The following LMTK2 variants were observed in gnomAD, a reference collection of about 807,000 sequenced individuals.
The protein encoded by LMTK2 is serine/threonine-protein kinase LMTK2.
In LMTK2, 37 loss-of-function variants were observed where a neutral mutation model predicts 127.5. The ratio of observed to expected loss-of-function variants is 0.29; its 90% confidence interval spans 0.22 to 0.38. The LOEUF is 0.38. Ranked by LOEUF, LMTK2 falls within the 10% of genes least tolerant of loss-of-function variation. The probability of loss-of-function intolerance (pLI) is 1.00; values close to 1 mark genes in which losing one functional copy is unlikely to be tolerated. For missense variants in LMTK2, 1,694 were observed against 1,920.3 expected, an observed-to-expected ratio of 0.88 and a Z score of 2.20; for synonymous variants, 819 against 810.1, an observed-to-expected ratio of 1.01 and a Z score of -0.19.
rs147523577 is a variant in LMTK2, at chr7:98,203,842, C to T, written c.4241-102C>T. On this transcript the variant is annotated intron_variant, in intron 12 of 13. Transcript: ENST00000297293. ...CAGAACTGCCATCTGCCAGCCGGGC[C>T]GGGCTGTGTCTTCCGACCTGCAGGG... 5.5e-4 allele frequency: 864 copies of T among 1,574,444 alleles called. 3 individuals are homozygous for T. The African/African-American group carries it at 9.6e-3, about 18-fold the overall frequency.
chr7:98,173,221 G>A (rs1038158324), intron 7 of LMTK2, among the ~76,000 whole-genome samples: 1 of 152,168 alleles, frequency 6.6e-6, no homozygotes, highest in Non-Finnish European at 1.5e-5. Flanking sequence ...CCTTCAAGGG[G>A]GGACAGAGGA....
At chr7:98,170,680 A>G (rs1174448185) in intron 6 of LMTK2, among the ~76,000 whole-genome samples, 1 of 152,210 alleles carries the variant, frequency 6.6e-6, no homozygotes, top group African/African-American at 2.4e-5. Context: ...AATCATATCA[A>G]TAAATATTTA....
Position 98,203,717 on chromosome 7 carries a change from T to A in LMTK2, c.4240+11T>A. 1 of 1,612,902 alleles carries A rather than the reference T, an allele frequency of 6.2e-7. No homozygotes were observed. The highest frequency in any genetic ancestry group is 8.5e-7 in the Non-Finnish European group (1 of 1,179,742). On this transcript the variant is annotated intron_variant, in intron 12 of 13. Coordinates refer to ENST00000297293, the MANE Select transcript of LMTK2 (RefSeq NM_014916.4). ...CCACCGACGAAGAAGGTATTTCACG[T>A]CATTGTCTAGTTTTAAAGGAAACTG...
chr7:98,143,296 A>C (rs544464378), intron 3 of LMTK2, among the ~76,000 whole-genome samples: 1 of 152,344 alleles, frequency 6.6e-6, no homozygotes, highest in South Asian at 2.1e-4. Flanking sequence ...CTTTCCAAGC[A>C]TGCACCAAAT....
chr7:98,144,514 T>C (rs549823096), intron 3 of LMTK2, among the ~76,000 whole-genome samples: 11 of 152,264 alleles, frequency 7.2e-5, no homozygotes, highest in African/African-American at 2.6e-4. Flanking sequence ...TTTCCACTGC[T>C]GGCTTCCCTA....
At chr7:98,134,592 C>T (rs564501143) in intron 1 of LMTK2, among the ~76,000 whole-genome samples, 22 of 151,156 alleles carry the variant, frequency 1.5e-4, no homozygotes, top group South Asian at 1.3e-3. Context: ...AAGTGGGTGG[C>T]GCACTTGAGC....
rs114506362 is a variant in LMTK2, at chr7:98,141,600, G to T, written c.376+59G>T. On this transcript the variant is annotated intron_variant, in intron 3 of 13. Transcript: ENST00000297293. The stretch of plus-strand genomic sequence containing the variant: ...GAATTGTTTCTGAGATCTGAGAATG[G>T]GAGCCTAGCCATCATAAATATTGGA... 1,056 of 1,508,256 alleles carry T rather than the reference G, an allele frequency of 7.0e-4. 10 individuals are homozygous for T. In the African/African-American group the frequency reaches 0.013, roughly 18 times the overall value. 93.4% of individuals were successfully genotyped at this position (1,508,256 alleles called of 1,614,324 possible).
chr7:98,137,237 A>G, intron 1 of LMTK2, 78 bp from the exon 2 acceptor site: 1 of 1,378,820 alleles, frequency 7.3e-7, no homozygotes, highest in Non-Finnish European at 1.0e-6. Flanking sequence ...TTGTATGTAG[A>G]GGAAAATATA....
At chr7:98,127,467 G>A (rs1796459460) in intron 1 of LMTK2, among the ~76,000 whole-genome samples, 1 of 152,192 alleles carries the variant, frequency 6.6e-6, no homozygotes, top group Admixed American at 6.5e-5. Context: ...TAATTTTCAA[G>A]TAGGCACAGA....
chr7:98,190,752 G>A lies in LMTK2; in HGVS notation c.1023G>A (p.Glu341=). The change falls in exon 10 of 14, where the codon GAG becomes GAA. Residue 341 remains glutamate (E), a synonymous_variant. Coordinates refer to ENST00000297293, the MANE Select transcript of LMTK2 (RefSeq NM_014916.4). ...NIWSLGVTLW[E]LFDNAAQPYS... ...GGTCTCTGGGTGTGACACTTTGGGA[G>A]CTTTTTGACAATGCCGCACAGCCGT... 6.2e-7 allele frequency: 1 copy of A among 1,614,146 alleles called. No individual in the cohort carries two copies. The highest frequency in any genetic ancestry group is 8.5e-7 in the Non-Finnish European group (1 of 1,180,016).
At position 98,192,237 on chromosome 7, in the gene LMTK2, C is replaced by T. The variant is rs1797539308; in HGVS notation, c.1772C>T (p.Ala591Val). ...GGCCCTGAACTGTCCCAGCTCACGG[C>T]GCTCAGGAGCGTTGAACTTGAGGAG... ...RTGPELSQLT[A>V]LRSVELEESS... Residue 591 changes from alanine (A) to valine (V), a missense_variant, in exon 11 of 14, where the codon GCG becomes GTG. Coordinates refer to ENST00000297293, the MANE Select transcript of LMTK2 (RefSeq NM_014916.4). 5.9e-6 allele frequency: 9 copies of T among 1,523,558 alleles called. No homozygotes were observed. Among genetic ancestry groups the T allele is most frequent in the South Asian group, 5.3e-5 (4 of 74,848 alleles). 94.4% of individuals were successfully genotyped at this position (1,523,558 alleles called of 1,614,324 possible).
intron 3 of LMTK2, among the ~76,000 whole-genome samples, chr7:98,146,298 GC>G (rs1170243608): frequency 6.6e-6 from 1 of 152,002 alleles, no homozygotes; most frequent in Admixed American, 6.6e-5. Context: ...AAATCCTTTT[GC>G]CTATTTGGGA....
At chr7:98,111,100 G>T (rs10235547) in intron 1 of LMTK2, among the ~76,000 whole-genome samples, 19,709 of 152,156 alleles carry the variant, frequency 0.13, 1,346 homozygotes, top group East Asian at 0.19. Flanking sequence ...TGATATTTTG[G>T]GGTTAACTAA....
intron 7 of LMTK2, among the ~76,000 whole-genome samples, chr7:98,182,772 A>G (rs1409139234): frequency 1.3e-5 from 2 of 152,226 alleles, no homozygotes; most frequent in African/African-American, 4.8e-5. Context: ...TCTTAAAGAG[A>G]TAATTTGTAC....
chr7:98,143,623 A>G (rs1237002622), intron 3 of LMTK2, among the ~76,000 whole-genome samples: 1 of 152,236 alleles, frequency 6.6e-6, no homozygotes, highest in Non-Finnish European at 1.5e-5. Context: ...GACACCAGGT[A>G]GTGATTGGCG....
rs767311385 is a variant in LMTK2, at chr7:98,194,559, A to G, written c.4094A>G (p.Tyr1365Cys). The G allele has an allele frequency of 1.9e-6, 3 of 1,604,582 alleles. No homozygotes were observed. The South Asian group carries it at 3.3e-5, about 18-fold the overall frequency. ...ACGTTTTTCGATGATGTCACAGTCT[A>G]CCTGTTTGACCAGGTATCTGTTCCC... ...AVTFFDDVTV[Y>C]LFDQETPTKE... is the part of the protein sequence containing the mutation. The change falls in exon 11 of 14, where the codon TAC becomes TGC. Residue 1365 changes from tyrosine to cysteine, a missense_variant. Coordinates refer to ENST00000297293, the MANE Select transcript of LMTK2 (RefSeq NM_014916.4). This position sits in a 1 kb window ranked among gnomAD's most constrained non-coding sequence, Gnocchi z 5.4.
chr7:98,112,483 C>A (rs10242903), intron 1 of LMTK2, among the ~76,000 whole-genome samples: 33 of 152,058 alleles, frequency 2.2e-4, no homozygotes, highest in African/African-American at 8.0e-4. Context: ...CGTTTTAGAA[C>A]GAAAGCTTCA....
chr7:98,128,802 G>T (rs1177836970), intron 1 of LMTK2, among the ~76,000 whole-genome samples: 3 of 152,178 alleles, frequency 2.0e-5, no homozygotes, highest in Non-Finnish European at 4.4e-5. Context: ...CGAGAACATG[G>T]TGCGTGTGGG....
chr7:98,140,152 CTTTT>C (rs1562902765), intron 2 of LMTK2, among the ~76,000 whole-genome samples: 58 of 59,022 alleles, frequency 9.8e-4, no homozygotes, highest in South Asian at 2.5e-3. Context: ...CTTTTCTTTT[CTTTT>C]CTTTTCTTTT....
Sources: allele counts gnomAD v4.1 joint callset (sites outside exome capture counted in the v4.1 genomes callset), GRCh38; gene constraint gnomAD v4.1.1; non-coding constraint Gnocchi (gnomAD v3.1); transcripts MANE v1.5; gene names NCBI Gene and HGNC (gene_info 2026-07-23, HGNC 2026-07-21).